SAMTOR: variants seen among roughly 807,000 people sequenced by gnomAD.
SAMTOR encodes UPF0532 protein C7orf60.
At chr7:112,869,239 G>C in the SAMTOR span, among the ~76,000 whole-genome samples, 5 of 152,274 alleles carry the variant, frequency 3.3e-5, no homozygotes, top group African/African-American at 7.2e-5. Flanking sequence ...CTGGGGACCA[G>C]AGCGTGTGGG....
At chr7:112,838,543 T>C in the SAMTOR span, among the ~76,000 whole-genome samples, 1 of 151,922 alleles carries the variant, frequency 6.6e-6, no homozygotes, top group Non-Finnish European at 1.5e-5. Context: ...GCTTTAAGTA[T>C]GAGATGGGAT....
the SAMTOR span, among the ~76,000 whole-genome samples, chr7:112,865,714 T>TTTCATATATACATATATTCATATATA: frequency 7.2e-6 from 1 of 138,002 alleles, no homozygotes; most frequent in Non-Finnish European, 1.5e-5. Context: ...TTCATATATA[T>TTTCATATATACATATATTCATATATA]TTCATATATA....
the SAMTOR span, among the ~76,000 whole-genome samples, chr7:112,850,466 A>C: frequency 0.012 from 1,759 of 152,308 alleles, 18 homozygotes; most frequent in Non-Finnish European, 0.021. Context: ...GAACAGTATC[A>C]GTAAGATTGG....
the SAMTOR span, among the ~76,000 whole-genome samples, chr7:112,901,519 C>A: frequency 6.6e-6 from 1 of 152,124 alleles, no homozygotes; most frequent in Non-Finnish European, 1.5e-5. Flanking sequence ...TTATATATTA[C>A]AATGTACTAA....
At chr7:112,828,208 G>T in the SAMTOR span, among the ~76,000 whole-genome samples, 2 of 152,182 alleles carry the variant, frequency 1.3e-5, no homozygotes, top group African/African-American at 2.4e-5. Flanking sequence ...TGCTAGTGCT[G>T]TTGTAACAAA....
chr7:112,823,426 T>C, the SAMTOR span, among the ~76,000 whole-genome samples: 78 of 152,324 alleles, frequency 5.1e-4, no homozygotes, highest in African/African-American at 1.8e-3. Context: ...CAGGCAACCA[T>C]TGAAGTTTGT....
chr7:112,919,102 T>C, the SAMTOR span, among the ~76,000 whole-genome samples: 3 of 152,180 alleles, frequency 2.0e-5, no homozygotes, highest in Non-Finnish European at 2.9e-5. Flanking sequence ...GTGGACCTAA[T>C]AGACATCTAC....
chr7:112,879,668 A>G, the SAMTOR span, among the ~76,000 whole-genome samples: 1 of 152,180 alleles, frequency 6.6e-6, no homozygotes, highest in Non-Finnish European at 1.5e-5. Flanking sequence ...ACTTCCTTCA[A>G]GTAACATATT....
chr7:112,856,484 A>T, the SAMTOR span, among the ~76,000 whole-genome samples: 1 of 152,114 alleles, frequency 6.6e-6, no homozygotes, highest in Non-Finnish European at 1.5e-5. Context: ...TCCTGAGCTC[A>T]GATGATCTAC....
the SAMTOR span, among the ~76,000 whole-genome samples, chr7:112,872,864 C>T: frequency 6.6e-6 from 1 of 151,108 alleles, no homozygotes; most frequent in Admixed American, 6.6e-5. Context: ...TTATAATGGC[C>T]ATTCTACACC....
chr7:112,822,676 G>T, the SAMTOR span, among the ~76,000 whole-genome samples: 1 of 152,024 alleles, frequency 6.6e-6, no homozygotes, highest in Non-Finnish European at 1.5e-5. Context: ...ATTTGGGTAG[G>T]AGTTTACAGG....
chr7:112,844,598 A>G, the SAMTOR span, among the ~76,000 whole-genome samples: 1 of 152,080 alleles, frequency 6.6e-6, no homozygotes, highest in Admixed American at 6.6e-5. Flanking sequence ...AATCAGAGAC[A>G]ACACAAAAAA....
the SAMTOR span, among the ~76,000 whole-genome samples, chr7:112,880,816 C>T: frequency 3.9e-5 from 6 of 152,238 alleles, no homozygotes; most frequent in South Asian, 1.2e-3. Context: ...GAAATACTTA[C>T]AATTTTGTAT....
the SAMTOR span, among the ~76,000 whole-genome samples, chr7:112,916,115 T>C: frequency 0.12 from 18,271 of 152,216 alleles, 1,228 homozygotes; most frequent in South Asian, 0.22. Flanking sequence ...GGAAATTACT[T>C]TGGAAGCCTC....
At chr7:112,899,383 G>T in the SAMTOR span, among the ~76,000 whole-genome samples, 1 of 151,818 alleles carries the variant, frequency 6.6e-6, no homozygotes, top group African/African-American at 2.4e-5. Context: ...TACAGAATCA[G>T]GGGAGAAAAA....
chr7:112,893,619 T>C, the SAMTOR span, among the ~76,000 whole-genome samples: 1 of 152,260 alleles, frequency 6.6e-6, no homozygotes, highest in Non-Finnish European at 1.5e-5. Flanking sequence ...CCGTGTTCAC[T>C]GAATAGCACT....
At chr7:112,824,089 T>C in the SAMTOR span, among the ~76,000 whole-genome samples, 1 of 152,194 alleles carries the variant, frequency 6.6e-6, no homozygotes, top group African/African-American at 2.4e-5. Flanking sequence ...TCCTTTATGA[T>C]ATATGACTTG....
chr7:112,923,837 T>C, the SAMTOR span, among the ~76,000 whole-genome samples: 6 of 152,112 alleles, frequency 3.9e-5, no homozygotes, highest in African/African-American at 1.4e-4. Context: ...ATGTGGCACA[T>C]ATACACCATG....
chr7:112,928,088 C>T, the SAMTOR span, among the ~76,000 whole-genome samples: 1 of 152,054 alleles, frequency 6.6e-6, no homozygotes, highest in South Asian at 2.1e-4. Context: ...AAAAAGAGTT[C>T]CATTTTTAAT....
Sources: allele counts gnomAD v4.1 joint callset (sites outside exome capture counted in the v4.1 genomes callset), GRCh38; gene constraint gnomAD v4.1.1; transcripts MANE v1.5; gene names NCBI Gene and HGNC (gene_info 2026-07-23, HGNC 2026-07-21).